TTC34: variants seen among roughly 807,000 people sequenced by gnomAD.
TTC34 encodes tetratricopeptide repeat domain 34.
Under a neutral mutation model 40.7 loss-of-function variants are expected in TTC34, and 44 were observed. That is an observed-to-expected ratio of 1.08 (90% CI 0.85 to 1.39). TTC34 has a LOEUF of 1.39. Among genes scored for constraint, TTC34 ranks in the 40% most tolerant of loss-of-function variants. The pLI is 0.00. For missense variants in TTC34, 884 were observed against 838.0 expected (o/e 1.05, Z -0.68); for synonymous variants, 422 against 398.6 (o/e 1.06, Z -0.70).
At chr1:2,692,265 C>T (rs1182741904) in intron 6 of TTC34, among the ~76,000 whole-genome samples, 1 of 77,588 alleles carries the variant, frequency 1.3e-5, no homozygotes, top group South Asian at 3.9e-4. Flanking sequence ...GCACCCACAC[C>T]CTCAGGTGAG....
intron 6 of TTC34, among the ~76,000 whole-genome samples, chr1:2,753,031 G>A (rs1641376717): frequency 2.7e-5 from 4 of 150,716 alleles, no homozygotes; most frequent in Admixed American, 1.3e-4. Context: ...GTGAGCATCC[G>A]ACAGCCTGGA....
rs1337860926 is a variant in TTC34, at chr1:2,691,460, C to T, written c.2227-45897G>A. ...ATCTGACAACCTGGAGCAGCACCCA[C>T]ACCCCCATGTGAGCATCTGATGGTC... On this transcript the variant is annotated intron_variant, in intron 6 of 8. Transcript: ENST00000401095. 2.1e-5 allele frequency among the ~76,000 whole-genome samples: 2 copies of T among 95,450 alleles called. 1 individual carries two copies. The highest frequency in any genetic ancestry group is 4.7e-5 in the Non-Finnish European group (2 of 42,584). 62.6% of individuals were successfully genotyped at this position (95,450 alleles called of 152,430 possible).
At chr1:2,691,300 AAC>A (rs1640606846) in intron 6 of TTC34, among the ~76,000 whole-genome samples, 1 of 86,860 alleles carries the variant, frequency 1.2e-5, no homozygotes, top group Non-Finnish European at 2.6e-5. Flanking sequence ...CAGCACCCAC[AAC>A]CCCAGGCGAG....
chr1:2,683,562 A>T (rs1403121891), intron 6 of TTC34, among the ~76,000 whole-genome samples: 132 of 141,524 alleles, frequency 9.3e-4, no homozygotes, highest in Non-Finnish European at 1.6e-3. Flanking sequence ...ACCACAGGTG[A>T]GCATCCGACA....
chr1:2,686,922 A>G (rs1379031630), intron 6 of TTC34, among the ~76,000 whole-genome samples: 3 of 145,448 alleles, frequency 2.1e-5, no homozygotes, highest in Admixed American at 2.0e-4. Context: ...CAGCACCCAC[A>G]CTCCCAGACG....
chr1:2,752,271 C>T lies in TTC34; in HGVS notation c.2226+31338G>A, dbSNP rs1438679556. Among the ~76,000 whole-genome samples, 59 of 102,414 alleles carry T rather than the reference C, an allele frequency of 5.8e-4. 1 individual carries two copies. The highest frequency in any genetic ancestry group is 8.4e-4 in the Non-Finnish European group (45 of 53,798). The allele number at this position is 102,414 out of a possible 152,430, so 67.2% of individuals were successfully genotyped here. A position where few individuals can be genotyped will look rare whatever the true frequency, so the allele number is the denominator to read the frequency against. On this transcript the variant is annotated intron_variant, in intron 6 of 8. Coordinates refer to ENST00000401095, the Ensembl canonical transcript of TTC34. ...AAATGCCCAGCTGAGCCTCTGACAG[C>T]CTGGAACAGCACCTTGCACCCCCAG...
At chr1:2,789,888 C>G (rs1352323737) in exon 3 of TTC34, 2 of 414,214 alleles carry the variant, frequency 4.8e-6, no homozygotes, top group Non-Finnish European at 8.5e-6. Flanking sequence ...AGGAGAGGTG[C>G]GCGGTCCCCT....
chr1:2,645,682 T>C lies in TTC34; in HGVS notation c.2227-119A>G. Reference sequence around the variant, plus strand: ...TTCCCTGATCTTCTCCCTGGGGTCCTAGAGGGTCTGAACACCCAGCTTCCT... The same window carrying C: ...TTCCCTGATCTTCTCCCTGGGGTCCCAGAGGGTCTGAACACCCAGCTTCCT... On this transcript the variant is annotated intron_variant, in intron 6 of 8. Coordinates refer to ENST00000401095, the Ensembl canonical transcript of TTC34. The surrounding 1 kb of genome is among the most constrained non-coding windows in gnomAD (Gnocchi z 4.7). The C allele has an allele frequency of 8.9e-7, 1 of 1,128,918 alleles. No individual in the cohort carries two copies. Among genetic ancestry groups the C allele is most frequent in the Non-Finnish European group, 1.2e-6 (1 of 852,192 alleles). The allele number at this position is 1,128,918 out of a possible 1,614,324, so 69.9% of individuals were successfully genotyped here. A position where few individuals can be genotyped will look rare whatever the true frequency, so the allele number is the denominator to read the frequency against.
rs1422266694 is a variant in TTC34 at position 2,751,698 on chromosome 1, G to C, written c.2226+31911C>G. ...GATCAGCACCCACAACCCCAAGCGA[G>C]CATCCGACAGCCTGGAGCAGCACCC... On this transcript the variant is annotated intron_variant, in intron 6 of 8. Coordinates refer to ENST00000401095, the Ensembl canonical transcript of TTC34. Among the ~76,000 whole-genome samples the C allele has an allele frequency of 2.6e-4, 30 of 115,630 alleles. 1 individual carries two copies. The highest frequency in any genetic ancestry group is 4.6e-4 in the African/African-American group (14 of 30,236). The allele number at this position is 115,630 out of a possible 152,430, so 75.9% of individuals were successfully genotyped here.
intron 6 of TTC34, among the ~76,000 whole-genome samples, chr1:2,695,958 A>C (rs1479059581): frequency 1.7e-4 from 11 of 63,084 alleles, no homozygotes; most frequent in African/African-American, 2.9e-4. Context: ...ACCCACACCC[A>C]CAGTTGAGCA....
chr1:2,783,583 G>A lies in TTC34; in HGVS notation c.2226+26C>T, dbSNP rs773872662. On this transcript the variant is annotated intron_variant, in intron 6 of 8. Coordinates refer to ENST00000401095, the Ensembl canonical transcript of TTC34. ...TGGGTCCCCCACCCGTGCTTGCCCA[G>A]GCCCAGGTCAGGAGTGGGGCGGCAC... The A allele has an allele frequency of 6.6e-6, 9 of 1,357,614 alleles. No homozygotes were observed. The South Asian group carries it at 1.5e-4, about 23-fold the overall frequency. The allele number at this position is 1,357,614 out of a possible 1,614,324, so 84.1% of individuals were successfully genotyped here.
chr1:2,757,885 T>A (rs1454261084), intron 6 of TTC34, among the ~76,000 whole-genome samples: 1 of 139,806 alleles, frequency 7.2e-6, no homozygotes, highest in Non-Finnish European at 1.5e-5. Context: ...CAGGTGAGCC[T>A]CTGACAGCCT....
At chr1:2,656,365 A>T (rs1413924364) in intron 6 of TTC34, among the ~76,000 whole-genome samples, 2 of 103,512 alleles carry the variant, frequency 1.9e-5, no homozygotes, top group South Asian at 4.3e-4. Flanking sequence ...AGCCTGGAAC[A>T]GCACCCACAC....
chr1:2,683,592 C>G (rs1187200123), intron 6 of TTC34, among the ~76,000 whole-genome samples: 2 of 124,460 alleles, frequency 1.6e-5, no homozygotes, highest in East Asian at 2.3e-4. Flanking sequence ...AGCACCCACA[C>G]ACTCAGGCGA....
chr1:2,640,243 G>A (rs1638874104), exon 9 of TTC34: 1 of 152,262 alleles, frequency 6.6e-6, no homozygotes, highest in Non-Finnish European at 1.5e-5. Flanking sequence ...TCTCGCCCAT[G>A]GCCATGAGAG....
chr1:2,675,547 G>A (rs1250135552), intron 6 of TTC34, among the ~76,000 whole-genome samples: 1 of 127,316 alleles, frequency 7.9e-6, no homozygotes, highest in Non-Finnish European at 1.7e-5. Flanking sequence ...GTGACAGCCT[G>A]GAAGAGCACC....
chr1:2,691,491 C>G (rs1206818102), intron 6 of TTC34, among the ~76,000 whole-genome samples: 1 of 104,730 alleles, frequency 9.5e-6, no homozygotes, highest in African/African-American at 3.4e-5. Context: ...TGGTCTGGAG[C>G]AGCACCCAAA....
intron 5 of TTC34, among the ~76,000 whole-genome samples, chr1:2,785,487 G>A (rs1288780431): frequency 6.6e-6 from 1 of 152,268 alleles, no homozygotes; most frequent in East Asian, 1.9e-4. Flanking sequence ...AGGGGAGCAG[G>A]GACCTCGCCT....
At chr1:2,675,120 C>G (rs868043887) in intron 6 of TTC34, among the ~76,000 whole-genome samples, 3 of 3,440 alleles carry the variant, frequency 8.7e-4, no homozygotes, top group African/African-American at 1.4e-3. Flanking sequence ...AGTGCCCACA[C>G]CCCCAGGTGA....
Sources: allele counts gnomAD v4.1 joint callset (sites outside exome capture counted in the v4.1 genomes callset), GRCh38; gene constraint gnomAD v4.1.1; non-coding constraint Gnocchi (gnomAD v3.1); transcripts MANE v1.5; gene names NCBI Gene and HGNC (gene_info 2026-07-23, HGNC 2026-07-21).